The following LCORL variants were observed in gnomAD, a reference collection of about 807,000 sequenced individuals.
LCORL encodes ligand dependent nuclear receptor corepressor like.
LCORL carries 41 observed loss-of-function variants against 141.8 expected under a neutral mutation model. The ratio of observed to expected loss-of-function variants is 0.29; its 90% CI spans 0.23 to 0.38. The LOEUF is 0.38. Among genes scored for constraint, LCORL ranks in the 10% least tolerant of loss-of-function variants. The pLI is 1.00. For synonymous variants in LCORL, 618 were observed against 694.1 expected (o/e 0.89, Z 1.72); for missense variants, 1,759 against 2,035.0 (o/e 0.86, Z 2.61).
chr4:17,864,441 C>A (rs558653981), intron 7 of LCORL, among the ~76,000 whole-genome samples: 2 of 152,240 alleles, frequency 1.3e-5, no homozygotes, highest in African/African-American at 4.8e-5. Context: ...GTCTTGAACT[C>A]CAGGGCTCAA....
At chr4:17,945,437 C>A (rs139875055) in intron 4 of LCORL, among the ~76,000 whole-genome samples, 2 of 150,646 alleles carry the variant, frequency 1.3e-5, no homozygotes, top group African/African-American at 2.4e-5. Flanking sequence ...TAGAATTTAT[C>A]GTCAATACAA....
chr4:17,909,249 C>T, exon 5 of LCORL: 2 of 1,613,312 alleles, frequency 1.2e-6, no homozygotes, highest in Non-Finnish European at 1.7e-6. Flanking sequence ...AGTTTTACCA[C>T]TTTTTGAAAT....
At chr4:17,883,802 T>C in intron 6 of LCORL, 1 of 1,550,688 alleles carries the variant, frequency 6.4e-7, no homozygotes, top group Non-Finnish European at 8.7e-7. Context: ...TAATCGTAGT[T>C]TCTTCTTCGG....
intron 1 of LCORL, among the ~76,000 whole-genome samples, chr4:17,984,211 A>C (rs1256804007): frequency 6.6e-6 from 1 of 152,088 alleles, no homozygotes; most frequent in Admixed American, 6.6e-5. Flanking sequence ...TTCTTCAAGG[A>C]TATTATCCTG....
chr4:17,887,840 G>A (rs1053686307), intron 5 of LCORL, among the ~76,000 whole-genome samples: 2 of 152,090 alleles, frequency 1.3e-5, no homozygotes, highest in African/African-American at 4.8e-5. Context: ...GCTATTTCTC[G>A]TTTCTGGGCT....
intron 7 of LCORL, among the ~76,000 whole-genome samples, chr4:17,870,789 T>C (rs961806958): frequency 2.0e-5 from 3 of 152,188 alleles, no homozygotes; most frequent in Non-Finnish European, 2.9e-5. Flanking sequence ...TAAATACTTG[T>C]TGAAGTAAGA....
intron 1 of LCORL, among the ~76,000 whole-genome samples, chr4:18,013,718 T>G (rs1486421535): frequency 6.6e-6 from 1 of 152,182 alleles, no homozygotes; most frequent in South Asian, 2.1e-4. Context: ...ACCTTGCACA[T>G]ACTAGTCAGA....
chr4:17,864,107 T>C (rs1037502851), intron 7 of LCORL, among the ~76,000 whole-genome samples: 1 of 152,112 alleles, frequency 6.6e-6, no homozygotes, highest in Non-Finnish European at 1.5e-5. Flanking sequence ...CCATGCTGCA[T>C]ATGTACCCCT....
intron 6 of LCORL, chr4:17,883,138 T>C (rs1727796624): frequency 2.0e-6 from 2 of 980,282 alleles, no homozygotes; most frequent in Admixed American, 6.2e-5. Flanking sequence ...TTCTTTTCTA[T>C]TCCTGGTGGA....
intron 4 of LCORL, among the ~76,000 whole-genome samples, chr4:17,930,172 T>C (rs1047686790): frequency 1.2e-4 from 18 of 152,216 alleles, no homozygotes; most frequent in African/African-American, 4.1e-4. Flanking sequence ...CAAAATGCTA[T>C]AGCCACTTTG....
At chr4:18,006,272 A>G (rs983666783) in intron 1 of LCORL, among the ~76,000 whole-genome samples, 7 of 151,948 alleles carry the variant, frequency 4.6e-5, no homozygotes, top group African/African-American at 1.7e-4. Flanking sequence ...ATCTGATACC[A>G]CCTCAGCTTG....
intron 4 of LCORL, among the ~76,000 whole-genome samples, chr4:17,934,851 G>A (rs190658313): frequency 7.2e-5 from 11 of 152,210 alleles, no homozygotes; most frequent in East Asian, 3.9e-4. Context: ...AAGCATTCAC[G>A]AAACATGGTA....
At chr4:17,950,878 C>G (rs2109535903) in intron 4 of LCORL, among the ~76,000 whole-genome samples, 1 of 152,168 alleles carries the variant, frequency 6.6e-6, no homozygotes, top group East Asian at 1.9e-4. Flanking sequence ...AGACTCACCA[C>G]ATTAAAAAAT....
chr4:17,881,537 T>C (rs1316264869), intron 6 of LCORL: 1 of 905,088 alleles, frequency 1.1e-6, no homozygotes, highest in Non-Finnish European at 1.3e-6. Context: ...GCAAATTAAC[T>C]ATAATATTAC....
At chr4:17,843,434 A>G (rs1373374777) in exon 8 of LCORL, 1 of 1,610,260 alleles carries the variant, frequency 6.2e-7, no homozygotes. Context: ...AGGAAAGACG[A>G]TGGAGGTGGA....
chr4:17,894,990 T>C (rs1729678458), intron 5 of LCORL, among the ~76,000 whole-genome samples: 1 of 150,682 alleles, frequency 6.6e-6, no homozygotes, highest in Non-Finnish European at 1.5e-5. Flanking sequence ...CAAAATAATC[T>C]TTCCTCTGAT....
chr4:18,009,631 C>T (rs1262675836), intron 1 of LCORL, among the ~76,000 whole-genome samples: 2 of 152,082 alleles, frequency 1.3e-5, no homozygotes, highest in South Asian at 2.1e-4. Context: ...GGGTCACTCC[C>T]TACCCCCTGG....
chr4:17,964,770 A>G (rs1427709091), intron 2 of LCORL, among the ~76,000 whole-genome samples: 2 of 152,098 alleles, frequency 1.3e-5, no homozygotes, highest in South Asian at 2.1e-4. Flanking sequence ...TAAGCGTGCA[A>G]AAGATTTTGG....
intron 7 of LCORL, among the ~76,000 whole-genome samples, chr4:17,850,002 A>G (rs1463883176): frequency 6.6e-6 from 1 of 151,564 alleles, no homozygotes; most frequent in Non-Finnish European, 1.5e-5. Flanking sequence ...CTGATCTTTG[A>G]CAAACCTGAG....
Sources: allele counts gnomAD v4.1 joint callset (sites outside exome capture counted in the v4.1 genomes callset), GRCh38; gene constraint gnomAD v4.1.1; transcripts MANE v1.5; gene names NCBI Gene and HGNC (gene_info 2026-07-23, HGNC 2026-07-21).